The following MIGA1 variants were observed in gnomAD, a reference collection of about 807,000 sequenced individuals.
MIGA1 encodes family with sequence similarity 73, member A.
MIGA1 carries 58 observed loss-of-function variants against 82.0 expected under a neutral mutation model. The ratio of observed to expected loss-of-function variants is 0.71; its 90% CI spans 0.57 to 0.88. The LOEUF (loss-of-function observed/expected upper bound fraction) is 0.88. Ranked by LOEUF, MIGA1 falls within the 40% of genes least tolerant of loss-of-function variation. The pLI is 0.00. For synonymous variants in MIGA1, 249 were observed against 253.6 expected (o/e 0.98, Z 0.17); for missense variants, 751 against 749.1 (o/e 1.00, Z -0.03).
At chr1:77,846,411 C>T (rs995133415) in intron 8 of MIGA1, among the ~76,000 whole-genome samples, 1 of 151,872 alleles carries the variant, frequency 6.6e-6, no homozygotes. Flanking sequence ...CTGTAGATTC[C>T]ATTTTTTATA....
intron 5 of MIGA1, 21 bp from the exon 6 acceptor site, chr1:77,813,713 T>C: frequency 6.2e-7 from 1 of 1,610,518 alleles, no homozygotes; most frequent in Non-Finnish European, 8.5e-7. Flanking sequence ...CAGTTAAAAT[T>C]GTTCTGTTCT....
At chr1:77,862,280 C>G (rs1258832293) in intron 12 of MIGA1, 2 of 147,092 alleles carry the variant, frequency 1.4e-5, no homozygotes, top group Non-Finnish European at 3.0e-5. Context: ...AACCTCATCT[C>G]TACTGAAAAT....
In MIGA1 at chr1:77,878,561, C is replaced by T. The variant is rs1234482997; in HGVS notation, c.*3497C>T. ...ATGGAATTGCCCTTGCCACCATGAG[C>T]TCTACCATCCACTTCCATATGTAAA... On this transcript the variant is annotated 3_prime_UTR_variant, in exon 16 of 16. Transcript: ENST00000370791. 3.6e-6 allele frequency: 1 copy of T among 275,996 alleles called. No homozygotes were observed. The highest frequency in any genetic ancestry group is 2.2e-5 in the African/African-American group (1 of 46,236). 17.1% of individuals were successfully genotyped at this position (275,996 alleles called of 1,614,324 possible). A position where few individuals can be genotyped will look rare whatever the true frequency, so the allele number is the denominator to read the frequency against.
intron 1 of MIGA1, among the ~76,000 whole-genome samples, 193 bp from the exon 2 acceptor site, chr1:77,783,045 T>C (rs2101677190): frequency 6.6e-6 from 1 of 152,112 alleles, no homozygotes; most frequent in Non-Finnish European, 1.5e-5. Context: ...TGCTATCTCC[T>C]ACAGGAAGGA....
chr1:77,784,244 A>G (rs1055258631), intron 2 of MIGA1, among the ~76,000 whole-genome samples: 3 of 151,884 alleles, frequency 2.0e-5, no homozygotes, highest in African/African-American at 7.3e-5. Flanking sequence ...TTTATTTATT[A>G]TTATTTTTTA....
At chr1:77,787,956 C>G (rs1001684520) in intron 2 of MIGA1, among the ~76,000 whole-genome samples, 13 of 149,156 alleles carry the variant, frequency 8.7e-5, no homozygotes, top group Non-Finnish European at 1.8e-4. Flanking sequence ...GCTGGTATTA[C>G]AGGTGCCTGC....
chr1:77,828,595 G>A (rs561439460), intron 7 of MIGA1, among the ~76,000 whole-genome samples: 5 of 152,296 alleles, frequency 3.3e-5, no homozygotes, highest in South Asian at 4.1e-4. Flanking sequence ...AAAATATAAT[G>A]TATGGTTCAT....
intron 8 of MIGA1, among the ~76,000 whole-genome samples, chr1:77,851,878 T>TTC (rs199856559): frequency 4.2e-4 from 52 of 125,016 alleles, no homozygotes; most frequent in East Asian, 8.2e-4. Flanking sequence ...TTTTCTTTCT[T>TTC]TTTTTTTTTT....
At position 77,813,760 on chromosome 1, in the gene MIGA1, C is replaced by T. The variant is rs756088573; in HGVS notation, c.664C>T (p.Arg222Cys). ...TATGGAATTGTTTGAAGAGGCATTG[C>T]GTCGATGGGAACAAGCTCTGACCTT... Residue 222 changes from arginine (R) to cysteine (C), a missense_variant, in exon 6 of 16, where the codon CGT (arginine) becomes TGT (cysteine). Arg to Cys is a radical substitution (Grantham distance 180). Transcript: ENST00000370791. The T allele has an allele frequency of 1.2e-5, 19 of 1,613,948 alleles. No individual in the cohort carries two copies. Among genetic ancestry groups the T allele is most frequent in the Middle Eastern group, 1.6e-4 (1 of 6,084 alleles).
chr1:77,877,489 T>G lies in MIGA1; in HGVS notation c.*2425T>G, dbSNP rs553218658. On this transcript the variant is annotated 3_prime_UTR_variant, in exon 16 of 16. Transcript: ENST00000370791. The stretch of plus-strand genomic sequence containing the variant: ...CAAAACTAAAAATTCCATTATGTAC[T>G]GTTTACTTTTTATTTAATATTACAT... 16 of 152,412 alleles carry G rather than the reference T, an allele frequency of 1.0e-4. No individual in the cohort carries two copies. The highest frequency in any genetic ancestry group is 2.6e-4 in the Admixed American group (4 of 15,304). The allele number at this position is 152,412 out of a possible 1,614,324, so 9.4% of individuals were successfully genotyped here. A position where few individuals can be genotyped will look rare whatever the true frequency, so the allele number is the denominator to read the frequency against.
intron 7 of MIGA1, among the ~76,000 whole-genome samples, chr1:77,815,601 T>C (rs1683542385): frequency 6.6e-6 from 1 of 152,250 alleles, no homozygotes; most frequent in African/African-American, 2.4e-5. Context: ...TAAAGAATTA[T>C]GTATGTTGGG....
intron 2 of MIGA1, among the ~76,000 whole-genome samples, chr1:77,785,640 G>T (rs1217072078): frequency 6.6e-6 from 1 of 152,088 alleles, no homozygotes; most frequent in Non-Finnish European, 1.5e-5. Flanking sequence ...ACTGCACCCG[G>T]CCAGGGCAGT....
chr1:77,790,458 G>C (rs1190496669), intron 2 of MIGA1, among the ~76,000 whole-genome samples: 1 of 152,128 alleles, frequency 6.6e-6, no homozygotes, highest in Non-Finnish European at 1.5e-5. Flanking sequence ...AGTAGAGACG[G>C]GGTTTCACCA....
At chr1:77,837,882 A>T (rs1684488972) in intron 7 of MIGA1, among the ~76,000 whole-genome samples, 1 of 152,210 alleles carries the variant, frequency 6.6e-6, no homozygotes, top group Non-Finnish European at 1.5e-5. Context: ...AATTATTTTC[A>T]ATTTGCTGTT....
chr1:77,802,046 A>T (rs1682905289), intron 3 of MIGA1, among the ~76,000 whole-genome samples: 1 of 152,218 alleles, frequency 6.6e-6, no homozygotes, highest in Admixed American at 6.5e-5. Flanking sequence ...CTTAGTATGT[A>T]GAGTTCAAGA....
chr1:77,866,884 TGGC>T (rs1272533065), intron 14 of MIGA1, among the ~76,000 whole-genome samples: 1 of 152,030 alleles, frequency 6.6e-6, no homozygotes, highest in East Asian at 1.9e-4. Flanking sequence ...TTCACCATGT[TGGC>T]CAGGCTGGTC....
intron 5 of MIGA1, 48 bp from the exon 6 acceptor site, chr1:77,813,686 T>C: frequency 6.3e-7 from 1 of 1,592,954 alleles, no homozygotes; most frequent in South Asian, 1.1e-5. Flanking sequence ...TAATTTTATT[T>C]TGGCATTGAT....
At chr1:77,844,609 A>G (rs1026475579) in intron 8 of MIGA1, among the ~76,000 whole-genome samples, 1 of 152,144 alleles carries the variant, frequency 6.6e-6, no homozygotes, top group African/African-American at 2.4e-5. Context: ...GGCCAATTTT[A>G]TCTCAGAATA....
rs892508115 is a variant in MIGA1, at chr1:77,816,145, T to C, written c.895+914T>C. The stretch of plus-strand genomic sequence containing the variant: ...TTTTATTAGAGGTGGGGTTTCACCA[T>C]GTTGGCCAGGCCGATCTCCACCTCT... On this transcript the variant is annotated intron_variant, in intron 7 of 15. Transcript: ENST00000370791. 4.6e-5 allele frequency among the ~76,000 whole-genome samples: 7 copies of C among 151,866 alleles called. No individual in the cohort carries two copies. In the South Asian group the frequency reaches 1.5e-3, roughly 32 times the overall value.
Sources: gnomAD v4.1 joint callset for allele counts (sites outside exome capture counted in the v4.1 genomes callset) on GRCh38, gnomAD v4.1.1 for gene constraint, MANE v1.5 for transcripts, NCBI Gene and HGNC (gene_info 2026-07-23, HGNC 2026-07-21) for gene names.